Variants in SPPL3 observed in about 807,000 individuals in gnomAD.
SPPL3 encodes signal peptide peptidase-like 3.
Under a neutral mutation model 42.4 loss-of-function variants are expected in SPPL3, and 5 were observed. That is an observed-to-expected ratio of 0.12 (90% CI 0.06 to 0.25). The LOEUF (loss-of-function observed/expected upper bound fraction) is 0.25, where lower values mean the gene tolerates loss of function less well. Ranked by LOEUF, SPPL3 falls within the 10% of genes least tolerant of loss-of-function variation. The pLI is 1.00. For missense variants in SPPL3, 235 were observed against 489.0 expected, an observed-to-expected ratio of 0.48 and a Z score of 4.90; for synonymous variants, 195 against 181.8, an observed-to-expected ratio of 1.07 and a Z score of -0.58.
At chr12:120,864,464 G>A (rs2137044792) in intron 1 of SPPL3, among the ~76,000 whole-genome samples, 1 of 152,290 alleles carries the variant, frequency 6.6e-6, no homozygotes, top group Non-Finnish European at 1.5e-5. Context: ...GAACCTGGGA[G>A]TCGGAGGCTG....
At chr12:120,774,177 ATCTGCAGCCAT>A (rs1869225202) in intron 6 of SPPL3, among the ~76,000 whole-genome samples, 1 of 152,188 alleles carries the variant, frequency 6.6e-6, no homozygotes, top group South Asian at 2.1e-4. Context: ...TACACATGAA[ATCTGCAGCCAT>A]TCTGAGGTGT....
At chr12:120,841,604 AATTAC>A (rs1871834755) in intron 1 of SPPL3, among the ~76,000 whole-genome samples, 1 of 152,312 alleles carries the variant, frequency 6.6e-6, no homozygotes, top group East Asian at 1.9e-4. Context: ...CATTCATCTG[AATTAC>A]ATTAAATTAC....
intron 1 of SPPL3, among the ~76,000 whole-genome samples, chr12:120,818,806 C>T (rs1275537591): frequency 8.0e-6 from 1 of 125,734 alleles, no homozygotes; most frequent in Non-Finnish European, 1.7e-5. Flanking sequence ...TAAATTAAAA[C>T]TGAGAAAAAG....
chr12:120,762,746 A>AC lies in SPPL3; in HGVS notation c.*2252dup, dbSNP rs1389182989. 1.3e-5 allele frequency: 2 copies of AC among 152,154 alleles called. No individual in the cohort carries two copies. Among genetic ancestry groups the AC allele is most frequent in the African/African-American group, 4.8e-5 (2 of 41,416 alleles). The allele number at this position is 152,154 out of a possible 1,614,324, so 9.4% of individuals were successfully genotyped here. ...ATAGCTGGGATTACAGGCGCCTGCCACCATGCCCAGCTAATTTTTGTGTTT... is the reference window on the plus strand; with the variant it reads ...ATAGCTGGGATTACAGGCGCCTGCCACCCATGCCCAGCTAATTTTTGTGTTT... On this transcript the variant is annotated 3_prime_UTR_variant, in exon 11 of 11. Transcript: ENST00000353487.
At chr12:120,816,150 C>T (rs1053982095) in intron 1 of SPPL3, among the ~76,000 whole-genome samples, 3 of 152,164 alleles carry the variant, frequency 2.0e-5, no homozygotes, top group Non-Finnish European at 4.4e-5. Context: ...AAGGTTTGAC[C>T]ATGTGCAAAA....
intron 6 of SPPL3, among the ~76,000 whole-genome samples, chr12:120,781,910 C>T (rs1869559592): frequency 6.6e-6 from 1 of 151,826 alleles, no homozygotes; most frequent in African/African-American, 2.4e-5. Flanking sequence ...CAGGGTCTCA[C>T]TCTGTTGCTG....
chr12:120,888,323 G>A (rs1458117484), intron 1 of SPPL3, among the ~76,000 whole-genome samples: 1 of 152,116 alleles, frequency 6.6e-6, no homozygotes, highest in Non-Finnish European at 1.5e-5. Flanking sequence ...TGATCCACCT[G>A]CCTCAGCCTT....
At chr12:120,886,629 C>T (rs1419322587) in intron 1 of SPPL3, among the ~76,000 whole-genome samples, 1 of 152,112 alleles carries the variant, frequency 6.6e-6, no homozygotes, top group Non-Finnish European at 1.5e-5. Flanking sequence ...TGCTCGCAAC[C>T]AAAAATCTGA....
intron 6 of SPPL3, among the ~76,000 whole-genome samples, chr12:120,778,478 A>G (rs758187011): frequency 6.6e-6 from 1 of 152,020 alleles, no homozygotes; most frequent in East Asian, 1.9e-4. Context: ...TCCCACATGC[A>G]TTTACAGAGT....
chr12:120,857,745 C>T (rs1005043666), intron 1 of SPPL3, among the ~76,000 whole-genome samples: 1 of 152,196 alleles, frequency 6.6e-6, no homozygotes, highest in African/African-American at 2.4e-5. Context: ...CATGTTCTCA[C>T]TCATAAGCGG....
At chr12:120,804,445 C>T (rs1870424084) in intron 2 of SPPL3, among the ~76,000 whole-genome samples, 1 of 152,034 alleles carries the variant, frequency 6.6e-6, no homozygotes, top group Non-Finnish European at 1.5e-5. Flanking sequence ...GTTGAAAAGA[C>T]ACCAAAGAAG....
rs1462737150 is a variant in SPPL3, at chr12:120,901,483, C to T, written c.23+2362G>A. ...GCATGTGGCTGTAGTCCCAGCTACT[C>T]GGGAGGCTGAGGCATAAGAATTGCT... On this transcript the variant is annotated intron_variant, in intron 1 of 10. Transcript: ENST00000353487. Among the ~76,000 whole-genome samples the T allele has an allele frequency of 1.2e-4, 18 of 148,606 alleles. 1 individual carries two copies. The highest frequency in any genetic ancestry group is 1.6e-4 in the Non-Finnish European group (11 of 67,454).
intron 1 of SPPL3, among the ~76,000 whole-genome samples, chr12:120,818,378 G>A (rs1412782890): frequency 2.6e-5 from 4 of 152,118 alleles, no homozygotes; most frequent in African/African-American, 4.8e-5. Context: ...CTACATTCCT[G>A]CAAGCCTTTA....
At chr12:120,844,135 A>G (rs1871936811) in intron 1 of SPPL3, among the ~76,000 whole-genome samples, 1 of 152,166 alleles carries the variant, frequency 6.6e-6, no homozygotes, top group Non-Finnish European at 1.5e-5. Flanking sequence ...TAAAATGGAC[A>G]AAATAGAACT....
chr12:120,800,563 A>T (rs1401601081), intron 2 of SPPL3, among the ~76,000 whole-genome samples: 1 of 152,212 alleles, frequency 6.6e-6, no homozygotes, highest in Non-Finnish European at 1.5e-5. Context: ...GATCAACAGA[A>T]GGACTTGAGC....
At chr12:120,821,576 A>G (rs2137009503) in intron 1 of SPPL3, among the ~76,000 whole-genome samples, 1 of 152,392 alleles carries the variant, frequency 6.6e-6, no homozygotes, top group Middle Eastern at 3.4e-3. Context: ...TCTTTGTATC[A>G]TGATCCAAGA....
At chr12:120,890,887 T>C (rs1015138618) in intron 1 of SPPL3, among the ~76,000 whole-genome samples, 5 of 152,188 alleles carry the variant, frequency 3.3e-5, no homozygotes, top group African/African-American at 1.2e-4. Context: ...CGAAACCCGA[T>C]GCTCTCAACA....
At chr12:120,791,219 A>G (rs1566042920) in intron 3 of SPPL3, among the ~76,000 whole-genome samples, 1 of 152,218 alleles carries the variant, frequency 6.6e-6, no homozygotes, top group Admixed American at 6.5e-5. Flanking sequence ...GCAGATCTCA[A>G]TATAAATGTA....
At chr12:120,902,518 T>G (rs1373151783) in intron 1 of SPPL3, among the ~76,000 whole-genome samples, 1 of 152,198 alleles carries the variant, frequency 6.6e-6, no homozygotes, top group Non-Finnish European at 1.5e-5. Context: ...TGTACTCACT[T>G]AATCCTTACA....
Sources: gnomAD v4.1 joint callset for allele counts (sites outside exome capture counted in the v4.1 genomes callset) on GRCh38, gnomAD v4.1.1 for gene constraint, MANE v1.5 for transcripts, NCBI Gene and HGNC (gene_info 2026-07-23, HGNC 2026-07-21) for gene names.